ADAM10: variants seen among roughly 807,000 people sequenced by gnomAD.
ADAM10 encodes ADAM metallopeptidase domain 10, also known as disintegrin and metalloproteinase domain-containing protein 10.
A neutral mutation model predicts 90.1 loss-of-function variants in ADAM10; 17 were observed. That is an observed-to-expected ratio of 0.19 (90% CI 0.13 to 0.28). ADAM10 has a LOEUF of 0.28. ADAM10 is among the 10% of genes least tolerant of loss of function. The probability of loss-of-function intolerance (pLI) is 1.00; values close to 1 mark genes in which losing one functional copy is unlikely to be tolerated. For missense variants in ADAM10, 610 were observed against 914.3 expected (o/e 0.67, Z 4.29); for synonymous variants, 310 against 298.6 (o/e 1.04, Z -0.40).
rs187923002 is a variant in ADAM10, at chr15:58,731,030, A to G, written c.56-13303T>C. Among the ~76,000 whole-genome samples the G allele has an allele frequency of 7.7e-4, 117 of 152,290 alleles. 2 individuals carry two copies. The East Asian group carries it at 0.021, about 27-fold the overall frequency. On this transcript the variant is annotated intron_variant, in intron 1 of 15. Coordinates refer to ENST00000260408, the MANE Select transcript of ADAM10 (RefSeq NM_001110.4). ...GACTTTTCAGTCTGTATAATCGTGTAAGCCAATTCCCCTAATAAATCCTCT... is the reference window on the plus strand; with the variant it reads ...GACTTTTCAGTCTGTATAATCGTGTGAGCCAATTCCCCTAATAAATCCTCT...
At chr15:58,622,567 C>A (rs1247747398) in intron 10 of ADAM10, among the ~76,000 whole-genome samples, 2 of 152,020 alleles carry the variant, frequency 1.3e-5, no homozygotes, top group Admixed American at 6.6e-5. Context: ...TTTTTATGTA[C>A]ATTAGTTTTG....
rs969304469 is a variant in ADAM10 at position 58,643,834 on chromosome 15, T to G, written c.828+52A>C. On this transcript the variant is annotated intron_variant, in intron 7 of 15. Coordinates refer to ENST00000260408, the MANE Select transcript of ADAM10 (RefSeq NM_001110.4). ...AAGCTTTTGTGTGTGTGTGTAAACA[T>G]AGTCTGGACTGTTTCACTTTTTAAG... 17 of 1,297,148 alleles carry G rather than the reference T, an allele frequency of 1.3e-5. No homozygotes were observed. The East Asian group carries it at 3.5e-4, about 26-fold the overall frequency. 80.4% of individuals were successfully genotyped at this position (1,297,148 alleles called of 1,614,324 possible). A position where few individuals can be genotyped will look rare whatever the true frequency, so the allele number is the denominator to read the frequency against.
chr15:58,610,731 T>A (rs1165804164), intron 13 of ADAM10: 2 of 651,794 alleles, frequency 3.1e-6, no homozygotes, highest in African/African-American at 3.6e-5. Context: ...CTTGACTCAG[T>A]GTCCACGATG....
intron 2 of ADAM10, among the ~76,000 whole-genome samples, chr15:58,715,068 G>C (rs1251036243): frequency 6.6e-6 from 1 of 152,096 alleles, no homozygotes; most frequent in Non-Finnish European, 1.5e-5. Context: ...TCTGAAATTG[G>C]ATGAATTACA....
chr15:58,709,742 AAAAT>A lies in ADAM10; in HGVS notation c.206+7831_206+7834del, dbSNP rs577174121. ...GTGACAGAGCAAGACTCCACCTCAAAAAATAAATAAAAAATAAAAAATACACCAC... is the reference window on the plus strand; with the variant it reads ...GTGACAGAGCAAGACTCCACCTCAAAAAATAAAAAATAAAAAATACACCAC... On this transcript the variant is annotated intron_variant, in intron 2 of 15. Coordinates refer to ENST00000260408, the MANE Select transcript of ADAM10 (RefSeq NM_001110.4). Among the ~76,000 whole-genome samples the A allele has an allele frequency of 2.8e-3, 419 of 152,270 alleles. 1 individual carries two copies. The highest frequency in any genetic ancestry group is 4.6e-3 in the Non-Finnish European group (313 of 68,014).
In ADAM10 at chr15:58,593,805, C is replaced by G. The variant is rs1462416166; in HGVS notation, c.*3742G>C. The G allele has an allele frequency of 1.3e-5, 2 of 152,144 alleles. No individual in the cohort carries two copies. The highest frequency in any genetic ancestry group is 2.9e-5 in the Non-Finnish European group (2 of 68,026). The allele number at this position is 152,144 out of a possible 1,614,324, so 9.4% of individuals were successfully genotyped here. A position where few individuals can be genotyped will look rare whatever the true frequency, so the allele number is the denominator to read the frequency against. ...TGAAGAACTTACCAATTATAAAATA[C>G]ATGAATTTCTACTGAAAATAGTACA... is the stretch of plus-strand genomic sequence containing the variant. On this transcript the variant is annotated 3_prime_UTR_variant, in exon 16 of 16. Transcript: ENST00000260408.
intron 2 of ADAM10, among the ~76,000 whole-genome samples, chr15:58,716,745 A>G (rs1265177822): frequency 2.6e-5 from 4 of 152,198 alleles, no homozygotes; most frequent in Non-Finnish European, 4.4e-5. Context: ...ACAGAGCAGA[A>G]GCGGGGAAAC....
chr15:58,599,821 T>C (rs1895061234), intron 14 of ADAM10, 97 bp from the exon 15 acceptor site: 2 of 1,239,680 alleles, frequency 1.6e-6, no homozygotes, highest in South Asian at 1.3e-5. Flanking sequence ...GAACACAGTA[T>C]ATTGTAATTT....
chr15:58,691,607 A>T, intron 2 of ADAM10: 2 of 469,958 alleles, frequency 4.3e-6, no homozygotes, highest in South Asian at 3.2e-5. Flanking sequence ...AGAATACCTC[A>T]TCTAATTTCT....
At chr15:58,706,264 G>A (rs550311742) in intron 2 of ADAM10, among the ~76,000 whole-genome samples, 6 of 152,168 alleles carry the variant, frequency 3.9e-5, no homozygotes, top group Non-Finnish European at 5.9e-5. Context: ...GGTACTATCA[G>A]AGTAATCCAG....
At chr15:58,648,457 T>A (rs1896607732) in intron 5 of ADAM10, among the ~76,000 whole-genome samples, 1 of 152,102 alleles carries the variant, frequency 6.6e-6, no homozygotes, top group Non-Finnish European at 1.5e-5. Context: ...TAGCTAATGG[T>A]GAAGTTTTAT....
chr15:58,647,238 G>A (rs1057435940), intron 5 of ADAM10, among the ~76,000 whole-genome samples: 11 of 87,090 alleles, frequency 1.3e-4, no homozygotes, highest in Admixed American at 2.6e-4. Flanking sequence ...GCAAAGAGTA[G>A]ACACTAAGTA....
chr15:58,671,490 A>G (rs930419397), intron 4 of ADAM10, among the ~76,000 whole-genome samples: 1 of 152,202 alleles, frequency 6.6e-6, no homozygotes, highest in Non-Finnish European at 1.5e-5. Context: ...TGAAAGGCTG[A>G]GGTTTAGCTC....
At chr15:58,613,309 T>A (rs376141156) in intron 11 of ADAM10, among the ~76,000 whole-genome samples, 1 of 152,180 alleles carries the variant, frequency 6.6e-6, no homozygotes, top group Admixed American at 6.5e-5. Context: ...AGAGTATATC[T>A]CCATGAAAGT....
intron 1 of ADAM10, among the ~76,000 whole-genome samples, chr15:58,721,013 T>C (rs920970424): frequency 6.6e-6 from 1 of 152,208 alleles, no homozygotes; most frequent in Non-Finnish European, 1.5e-5. Context: ...GCTGCTTAAA[T>C]CAGGAAAAAG....
At chr15:58,733,574 T>C (rs1327885842) in intron 1 of ADAM10, among the ~76,000 whole-genome samples, 2 of 152,226 alleles carry the variant, frequency 1.3e-5, no homozygotes, top group Non-Finnish European at 2.9e-5. Context: ...GCACAGGTTA[T>C]ATGCAAATAG....
intron 7 of ADAM10, among the ~76,000 whole-genome samples, chr15:58,641,948 C>T (rs948906729): frequency 4.6e-5 from 7 of 152,134 alleles, no homozygotes; most frequent in Non-Finnish European, 1.0e-4. Context: ...GCAAAAACAC[C>T]ATTGAGGGCA....
rs7170420 is a variant in ADAM10 at position 58,729,461 on chromosome 15, G to A, written c.56-11734C>T. On this transcript the variant is annotated intron_variant, in intron 1 of 15. Coordinates refer to ENST00000260408, the MANE Select transcript of ADAM10 (RefSeq NM_001110.4). The stretch of plus-strand genomic sequence containing the variant: ...AATGCAGAATCCTAGGCTCCCAGCA[G>A]ATCTACTGACCCCACAAATGACTCA... Among the ~76,000 whole-genome samples the A allele has an allele frequency of 3.5e-3, 536 of 152,286 alleles. 4 individuals are homozygous for A. The highest frequency in any genetic ancestry group is 0.012 in the African/African-American group (515 of 41,554).
chr15:58,698,575 CAAAA>C (rs138309518), intron 2 of ADAM10, among the ~76,000 whole-genome samples: 5 of 115,582 alleles, frequency 4.3e-5, no homozygotes, highest in Non-Finnish European at 7.2e-5. Flanking sequence ...GACCTTGTCT[CAAAA>C]AAAAAAAAAA....
Sources: gnomAD v4.1 joint callset for allele counts (sites outside exome capture counted in the v4.1 genomes callset) on GRCh38, gnomAD v4.1.1 for gene constraint, MANE v1.5 for transcripts, NCBI Gene and HGNC (gene_info 2026-07-23, HGNC 2026-07-21) for gene names.